The following DOCK1 variants were observed in gnomAD, a reference collection of about 807,000 sequenced individuals.
DOCK1 encodes the protein dedicator of cytokinesis 1.
A neutral mutation model predicts 262.7 loss-of-function variants in DOCK1; 138 were observed. The observed-to-expected ratio is 0.53, with a 90% CI of 0.46 to 0.61. The LOEUF is 0.61. Ranked by LOEUF, DOCK1 falls within the 20% of genes least tolerant of loss-of-function variation. DOCK1 has a pLI of 0.00. For missense variants in DOCK1, 1,908 were observed against 2,370.7 expected, an observed-to-expected ratio of 0.80 and a Z score of 4.05; for synonymous variants, 866 against 867.4, an observed-to-expected ratio of 1.00 and a Z score of 0.03.
At chr10:127,251,470 T>C (rs1288442910) in intron 28 of DOCK1, among the ~76,000 whole-genome samples, 2 of 151,434 alleles carry the variant, frequency 1.3e-5, no homozygotes, top group East Asian at 1.9e-4. Flanking sequence ...CATGCTGGTG[T>C]GCTGCACCCA....
chr10:127,307,669 C>T (rs1170824041), intron 29 of DOCK1, among the ~76,000 whole-genome samples: 3 of 152,164 alleles, frequency 2.0e-5, no homozygotes, highest in Non-Finnish European at 2.9e-5. Flanking sequence ...CATGAAACCC[C>T]GAGTACTGTT....
intron 27 of DOCK1, among the ~76,000 whole-genome samples, chr10:127,243,285 G>A (rs2059325345): frequency 6.6e-6 from 1 of 152,114 alleles, no homozygotes. Flanking sequence ...TAAAAGATAT[G>A]TCTCATCCTG....
At chr10:127,213,280 G>T (rs2058061841) in intron 27 of DOCK1, among the ~76,000 whole-genome samples, 1 of 152,206 alleles carries the variant, frequency 6.6e-6, no homozygotes, top group Non-Finnish European at 1.5e-5. Context: ...GGATGCTAGA[G>T]ACAGAAAGAA....
chr10:127,078,137 T>A (rs962462609), intron 23 of DOCK1, among the ~76,000 whole-genome samples: 16 of 152,082 alleles, frequency 1.1e-4, no homozygotes, highest in African/African-American at 3.6e-4. Flanking sequence ...TTATTTATTT[T>A]ATTTATGTTT....
At chr10:127,307,370 C>T (rs778689895) in intron 29 of DOCK1, among the ~76,000 whole-genome samples, 3 of 152,204 alleles carry the variant, frequency 2.0e-5, no homozygotes, top group Non-Finnish European at 4.4e-5. Flanking sequence ...CCCTCTTCCC[C>T]GCCTGCCCTC....
At chr10:127,440,977 G>C (rs1231218679) in intron 49 of DOCK1, among the ~76,000 whole-genome samples, 1 of 152,236 alleles carries the variant, frequency 6.6e-6, no homozygotes, top group Non-Finnish European at 1.5e-5. Flanking sequence ...TAAGCCCCAG[G>C]TAGATTTCTC....
At chr10:127,050,065 C>T (rs546242541) in intron 21 of DOCK1, among the ~76,000 whole-genome samples, 1 of 141,928 alleles carries the variant, frequency 7.0e-6, no homozygotes, top group East Asian at 2.2e-4. Context: ...GATGTATTAC[C>T]ATTTATTGAA....
At chr10:127,193,796 T>C (rs920074992) in intron 27 of DOCK1, among the ~76,000 whole-genome samples, 1 of 152,138 alleles carries the variant, frequency 6.6e-6, no homozygotes, top group African/African-American at 2.4e-5. Context: ...AAATTCCCTT[T>C]CCTGCCACAG....
intron 33 of DOCK1, among the ~76,000 whole-genome samples, chr10:127,370,749 G>A (rs190984901): frequency 4.6e-5 from 7 of 152,238 alleles, no homozygotes; most frequent in Non-Finnish European, 7.4e-5. Flanking sequence ...CCCTGACTCC[G>A]TCACGTCAAT....
At chr10:127,121,997 T>A (rs568570807) in intron 25 of DOCK1, among the ~76,000 whole-genome samples, 15 of 152,328 alleles carry the variant, frequency 9.8e-5, no homozygotes, top group Non-Finnish European at 1.6e-4. Flanking sequence ...CTTCTGCTCT[T>A]ATGGAGATTG....
At chr10:126,960,727 T>C (rs2037128493) in intron 1 of DOCK1, among the ~76,000 whole-genome samples, 1 of 137,342 alleles carries the variant, frequency 7.3e-6, no homozygotes. Context: ...CCCTCAAATA[T>C]ATATATATAT....
intron 27 of DOCK1, among the ~76,000 whole-genome samples, chr10:127,131,514 A>G (rs2050323169): frequency 6.6e-6 from 1 of 152,186 alleles, no homozygotes; most frequent in Non-Finnish European, 1.5e-5. Flanking sequence ...GCCACTGAAA[A>G]TTCGAGTTGT....
intron 30 of DOCK1, among the ~76,000 whole-genome samples, chr10:127,341,532 TC>T (rs1166194865): frequency 6.6e-6 from 1 of 152,256 alleles, no homozygotes; most frequent in African/African-American, 2.4e-5. Flanking sequence ...AGTATTTTTT[TC>T]CCCATCTCAT....
intron 1 of DOCK1, among the ~76,000 whole-genome samples, chr10:126,913,525 C>T (rs979157050): frequency 2.0e-5 from 3 of 152,162 alleles, no homozygotes; most frequent in Non-Finnish European, 2.9e-5. Context: ...GTCAGAAAAG[C>T]GCTTTAATAT....
intron 27 of DOCK1, among the ~76,000 whole-genome samples, chr10:127,186,002 T>C (rs1250326775): frequency 6.6e-6 from 1 of 152,204 alleles, no homozygotes; most frequent in Non-Finnish European, 1.5e-5. Context: ...AGTGGCAAAA[T>C]AAATTGAGTT....
intron 1 of DOCK1, among the ~76,000 whole-genome samples, chr10:126,942,266 A>G (rs2035073735): frequency 6.6e-6 from 1 of 152,026 alleles, no homozygotes; most frequent in African/African-American, 2.4e-5. Flanking sequence ...CTCGTGATTC[A>G]CCTGCCTCGG....
rs2070960652 is a variant in DOCK1 at position 127,451,400 on chromosome 10, A to G, written c.5634A>G (p.Ala1878=). The G allele has an allele frequency of 8.2e-6, 13 of 1,591,434 alleles. No homozygotes were observed. Among genetic ancestry groups the G allele is most frequent in the Middle Eastern group, 1.6e-4 (1 of 6,062 alleles). ...CTCCAAAGACAACTCGCAAGCAGGC[A>G]TCGGTGGACTCCGGGATCGTGCAGT... ...PPPPKTTRKQ[A]SVDSGIVQ is the part of the protein sequence containing the mutation. Residue 1878 remains alanine, a synonymous_variant, in exon 52 of 52, where the codon GCA becomes GCG. Coordinates refer to ENST00000623213, the MANE Select transcript of DOCK1 (RefSeq NM_001290223.2).
At chr10:127,364,681 A>AGGTGACT (rs1157471066) in intron 33 of DOCK1, among the ~76,000 whole-genome samples, 1 of 152,150 alleles carries the variant, frequency 6.6e-6, no homozygotes, top group African/African-American at 2.4e-5. Context: ...GTTTTTTATA[A>AGGTGACT]GGTGACTGGT....
intron 32 of DOCK1, among the ~76,000 whole-genome samples, chr10:127,358,700 G>A (rs186608722): frequency 1.7e-4 from 26 of 152,226 alleles, no homozygotes; most frequent in African/African-American, 5.5e-4. Context: ...ATTAAAACCC[G>A]TATACATTGT....
Sources: gnomAD v4.1 joint callset for allele counts (sites outside exome capture counted in the v4.1 genomes callset) on GRCh38, gnomAD v4.1.1 for gene constraint, MANE v1.5 for transcripts, NCBI Gene and HGNC (gene_info 2026-07-23, HGNC 2026-07-21) for gene names.